TMEM131: variants seen among roughly 807,000 people sequenced by gnomAD.
The protein encoded by TMEM131 is 2610524E03Rik.
A neutral mutation model predicts 211.6 loss-of-function variants in TMEM131; 66 were observed. The ratio of observed to expected loss-of-function variants is 0.31; its 90% CI spans 0.26 to 0.38. The LOEUF (loss-of-function observed/expected upper bound fraction) is 0.38. TMEM131 is among the 10% of genes least tolerant of loss of function. TMEM131 has a pLI of 1.00. For synonymous variants in TMEM131, 844 were observed against 841.3 expected, an observed-to-expected ratio of 1.00 and a Z score of -0.06; for missense variants, 2,036 against 2,299.3, an observed-to-expected ratio of 0.89 and a Z score of 2.34.
At chr2:97,779,819 A>G (rs1236987777) in intron 31 of TMEM131, among the ~76,000 whole-genome samples, 2 of 152,232 alleles carry the variant, frequency 1.3e-5, no homozygotes, top group Non-Finnish European at 2.9e-5. Context: ...GTTCCAGACC[A>G]GCCTGGGTAA....
chr2:97,974,614 C>T (rs981842532), intron 1 of TMEM131, among the ~76,000 whole-genome samples: 2 of 150,396 alleles, frequency 1.3e-5, no homozygotes, highest in African/African-American at 2.4e-5. Flanking sequence ...AAAAAAAAGA[C>T]ATGTTATATA....
chr2:97,885,022 T>C (rs548251938), intron 4 of TMEM131, among the ~76,000 whole-genome samples: 2 of 152,258 alleles, frequency 1.3e-5, no homozygotes, highest in African/African-American at 2.4e-5. Context: ...TTTTCCACAT[T>C]GATACGGTTT....
At chr2:97,797,244 T>C (rs62154511) in intron 26 of TMEM131, 121 bp downstream of exon 26, 184 of 1,010,576 alleles carry the variant, frequency 1.8e-4, no homozygotes, top group Admixed American at 6.6e-4. Flanking sequence ...AGTGTGTGCA[T>C]GTTTTGGACA....
intron 11 of TMEM131, among the ~76,000 whole-genome samples, chr2:97,819,541 A>C (rs1320263228): frequency 6.6e-6 from 1 of 152,212 alleles, no homozygotes; most frequent in Non-Finnish European, 1.5e-5. Context: ...ATGAAACAAG[A>C]ATCCCTGGGT....
chr2:97,815,231 A>G lies in TMEM131; in HGVS notation c.1260T>C (p.Leu420=). The G allele has an allele frequency of 6.4e-7, 1 of 1,566,028 alleles. No homozygotes were observed. The highest frequency in any genetic ancestry group is 8.6e-7 in the Non-Finnish European group (1 of 1,166,238). The part of the protein sequence containing the change: ...VKAKEKSYSK[L]EIPYQAEVLD... ...AAACTTCTGCTTGATATGGTATTTC[A>G]AGTTTAGAATAACTCTTTTCCTTTG... The change falls in exon 13 of 41, where the codon CTT becomes CTC. Residue 420 remains leucine, a synonymous_variant. Transcript: ENST00000186436.
rs375184740 is a variant in TMEM131 at position 97,902,686 on chromosome 2, T to C, written c.290+5972A>G. Among the ~76,000 whole-genome samples the C allele has an allele frequency of 2.3e-4, 35 of 152,312 alleles. No homozygotes were observed. The South Asian group carries it at 3.5e-3, about 15-fold the overall frequency. On this transcript the variant is annotated intron_variant, in intron 3 of 40. Transcript: ENST00000186436. ...GATTGAAGGATATGATACAAAGTAT[T>C]AATCCTGGGTGTGTCTGTGTGGGTG...
intron 31 of TMEM131, among the ~76,000 whole-genome samples, chr2:97,776,231 T>G (rs927479866): frequency 1.2e-4 from 19 of 152,124 alleles, no homozygotes; most frequent in African/African-American, 4.6e-4. Flanking sequence ...TTTTTTGTAT[T>G]TTTTAGTAGA....
intron 11 of TMEM131, among the ~76,000 whole-genome samples, chr2:97,824,124 A>T (rs1682260888): frequency 6.6e-6 from 1 of 152,198 alleles, no homozygotes. Context: ...GTTTACAAGG[A>T]CACTTTAAAA....
chr2:97,871,177 C>G (rs780365493), intron 4 of TMEM131, among the ~76,000 whole-genome samples: 3 of 151,960 alleles, frequency 2.0e-5, no homozygotes, highest in Non-Finnish European at 2.9e-5. Context: ...AAGTTTCTAC[C>G]CAAAGCATCT....
At chr2:97,867,677 G>T (rs1397113454) in intron 4 of TMEM131, among the ~76,000 whole-genome samples, 1 of 152,154 alleles carries the variant, frequency 6.6e-6, no homozygotes, top group Admixed American at 6.5e-5. Context: ...GAGTGGGGTG[G>T]GTGAAGAGAG....
intron 1 of TMEM131, among the ~76,000 whole-genome samples, chr2:97,987,219 T>C (rs895307533): frequency 4.6e-5 from 7 of 152,324 alleles, no homozygotes; most frequent in African/African-American, 1.2e-4. Context: ...ATTTAAAAAA[T>C]AGTCACAAAT....
intron 3 of TMEM131, among the ~76,000 whole-genome samples, chr2:97,894,220 T>C (rs115152020): frequency 0.011 from 1,731 of 152,294 alleles, 36 homozygotes; most frequent in African/African-American, 0.039. Context: ...GAGGCCTCAC[T>C]TCTGTTCTAT....
At position 97,766,103 on chromosome 2, in the gene TMEM131, A is replaced by G; in HGVS notation, c.4723+11T>C. ...AGTGGAGCCCTGTGGTTTCTAAACT[A>G]CTATACTTACAGCTGCCAGGTTTGT... On this transcript the variant is annotated intron_variant, in intron 35 of 40. Coordinates refer to ENST00000186436, the MANE Select transcript of TMEM131 (RefSeq NM_015348.2). The G allele has an allele frequency of 1.9e-6, 3 of 1,613,872 alleles. No individual in the cohort carries two copies. The highest frequency in any genetic ancestry group is 2.5e-6 in the Non-Finnish European group (3 of 1,179,810).
intron 31 of TMEM131, among the ~76,000 whole-genome samples, chr2:97,783,249 C>T (rs1680097413): frequency 6.6e-6 from 1 of 152,078 alleles, no homozygotes; most frequent in South Asian, 2.1e-4. Flanking sequence ...TTCAGACATT[C>T]TCAGATGAAA....
Position 97,802,640 on chromosome 2 carries a change from T to C in TMEM131, c.2541+12A>G, listed in dbSNP as rs1356681612. On this transcript the variant is annotated intron_variant, in intron 23 of 40. Transcript: ENST00000186436. ...TGTATTTCCAAAAACCAATGTCACT[T>C]TGAATACTTACTGAGGAGCAGTTTG... 6.2e-7 allele frequency: 1 copy of C among 1,612,032 alleles called. No homozygotes were observed. Among genetic ancestry groups the C allele is most frequent in the South Asian group, 1.1e-5 (1 of 90,628 alleles).
chr2:97,814,495 G>A (rs1459935044), intron 13 of TMEM131, 107 bp from the exon 14 acceptor site: 3 of 1,105,560 alleles, frequency 2.7e-6, no homozygotes, highest in South Asian at 1.9e-5. Context: ...TAGCATTAGG[G>A]ATTGTATTAA....
intron 31 of TMEM131, among the ~76,000 whole-genome samples, chr2:97,787,716 T>C (rs1680317816): frequency 6.6e-6 from 1 of 152,194 alleles, no homozygotes; most frequent in Admixed American, 6.5e-5. Context: ...CTGCATCGTG[T>C]GGTGCATGAC....
chr2:97,958,841 A>G (rs1678685980), intron 1 of TMEM131, among the ~76,000 whole-genome samples: 1 of 152,250 alleles, frequency 6.6e-6, no homozygotes, highest in African/African-American at 2.4e-5. Flanking sequence ...GCTTTCAAAA[A>G]TCAAGGAAGA....
At chr2:97,995,114 G>C (rs1680433139) in intron 1 of TMEM131, among the ~76,000 whole-genome samples, 1 of 152,206 alleles carries the variant, frequency 6.6e-6, no homozygotes, top group Non-Finnish European at 1.5e-5. Flanking sequence ...AGTAAGCTCT[G>C]TCTGCATGCA....
Sources: gnomAD v4.1 joint callset for allele counts (sites outside exome capture counted in the v4.1 genomes callset) on GRCh38, gnomAD v4.1.1 for gene constraint, MANE v1.5 for transcripts, NCBI Gene and HGNC (gene_info 2026-07-23, HGNC 2026-07-21) for gene names.